The following IL1R2 variants were observed in gnomAD, a reference collection of about 807,000 sequenced individuals.
The protein encoded by IL1R2 is interleukin 1 receptor type 2, also known as interleukin-1 receptor type 2.
Under a neutral mutation model 39.5 loss-of-function variants are expected in IL1R2, and 46 were observed. That is an observed-to-expected ratio of 1.16 (90% CI 0.92 to 1.49). IL1R2 has a LOEUF of 1.49. Among genes scored for constraint, IL1R2 ranks in the 40% most tolerant of loss-of-function variants. The pLI is 0.00. For missense variants in IL1R2, 537 were observed against 502.0 expected (o/e 1.07, Z -0.67); for synonymous variants, 207 against 189.6 (o/e 1.09, Z -0.75).
At position 102,009,679 on chromosome 2, in the gene IL1R2, G is replaced by C; in HGVS notation, c.185G>C (p.Ser62Thr). The C allele has an allele frequency of 6.2e-7, 1 of 1,614,174 alleles. No individual in the cohort carries two copies. Among genetic ancestry groups the C allele is most frequent in the Non-Finnish European group, 8.5e-7 (1 of 1,180,026 alleles). ...CCCTACTGGTTGTGGGCCTCTGTCA[G>C]CCCCCGCATCAACCTGACATGGCAT... Reference protein sequence around the residue: ...QVPYWLWASVSPRINLTWHKN... With the variant: ...QVPYWLWASVTPRINLTWHKN... Residue 62 changes from serine (S) to threonine (T), a missense_variant, in exon 3 of 9, where the codon AGC becomes ACC. Transcript: ENST00000332549.
At chr2:102,020,443 G>A (rs1294070415) in intron 5 of IL1R2, among the ~76,000 whole-genome samples, 1 of 152,248 alleles carries the variant, frequency 6.6e-6, no homozygotes, top group Non-Finnish European at 1.5e-5. Context: ...GTGTAACCAT[G>A]TGTAAATCCT....
chr2:102,019,863 T>G, intron 5 of IL1R2, 51 bp downstream of exon 5: 1 of 1,487,362 alleles, frequency 6.7e-7, no homozygotes, highest in Non-Finnish European at 9.2e-7. Flanking sequence ...ATAACAAGCA[T>G]GCAGAGAACA....
chr2:102,020,836 C>T (rs1677336518), intron 5 of IL1R2, among the ~76,000 whole-genome samples: 1 of 152,168 alleles, frequency 6.6e-6, no homozygotes, highest in African/African-American at 2.4e-5. Flanking sequence ...TGTGATCCTC[C>T]CAGGATCTCA....
At chr2:102,017,234 C>T (rs1677061284) in intron 4 of IL1R2, among the ~76,000 whole-genome samples, 1 of 151,690 alleles carries the variant, frequency 6.6e-6, no homozygotes, top group Non-Finnish European at 1.5e-5. Flanking sequence ...CCCATCTCTA[C>T]TAAAAATAAA....
In IL1R2 at chr2:102,022,368, T is replaced by C. The variant is rs1470167594; in HGVS notation, c.751+119T>C. The C allele has an allele frequency of 7.4e-6, 6 of 812,566 alleles. No homozygotes were observed. The African/African-American group carries it at 8.6e-5, about 12-fold the overall frequency. The allele number at this position is 812,566 out of a possible 1,614,324, so 50.3% of individuals were successfully genotyped here. Reference sequence around the variant, plus strand: ...ACCTGCTCCTTGGGTGCAATGTGCCTGGGTGGAGACCTTAGAACTCCAGTG... The same window carrying C: ...ACCTGCTCCTTGGGTGCAATGTGCCCGGGTGGAGACCTTAGAACTCCAGTG... On this transcript the variant is annotated intron_variant, in intron 6 of 8. Coordinates refer to ENST00000332549, the MANE Select transcript of IL1R2 (RefSeq NM_004633.4).
At chr2:102,027,670 G>A (rs1327758509) in intron 8 of IL1R2, among the ~76,000 whole-genome samples, 1 of 152,174 alleles carries the variant, frequency 6.6e-6, no homozygotes, top group Non-Finnish European at 1.5e-5. Flanking sequence ...CAATGTGTCT[G>A]ATAACACTCT....
At position 102,008,591 on chromosome 2, in the gene IL1R2, G is replaced by C. The variant is rs148522700; in HGVS notation, c.16G>C (p.Val6Leu). 1 of 1,614,106 alleles carries C rather than the reference G, an allele frequency of 6.2e-7. No homozygotes were observed. Among genetic ancestry groups the C allele is most frequent in the East Asian group, 2.2e-5 (1 of 44,880 alleles). ...GTCAGGAGCAATGTTGCGCTTGTAC[G>C]TGTTGGTAATGGGAGTTTCTGCCTT... is the stretch of plus-strand genomic sequence containing the variant. MLRLY[V>L]LVMGVSAFTL... is the part of the protein sequence containing the mutation. The change falls in exon 2 of 9, where the codon GTG becomes CTG. Residue 6 changes from valine to leucine, a missense_variant. By Grantham distance (32) the Val-to-Leu change is conservative (BLOSUM62 1). Coordinates refer to ENST00000332549, the MANE Select transcript of IL1R2 (RefSeq NM_004633.4).
Position 102,009,630 on chromosome 2 carries a change from G to A in IL1R2, c.136G>A (p.Val46Ile). Reference protein sequence around the residue: ...KREFRLEGEPVALRCPQVPYW... With the variant: ...KREFRLEGEPIALRCPQVPYW... ...GGAGTTCAGGCTGGAAGGGGAGCCT[G>A]TAGCCCTGAGGTGCCCCCAGGTGCC... Residue 46 changes from valine (V) to isoleucine (I), a missense_variant, in exon 3 of 9, where the codon GTA (valine) becomes ATA (isoleucine). Physicochemically the swap from Val to Ile is conservative, Grantham distance 29. Coordinates refer to ENST00000332549, the MANE Select transcript of IL1R2 (RefSeq NM_004633.4). 1.2e-6 allele frequency: 2 copies of A among 1,614,220 alleles called. No individual in the cohort carries two copies. Among genetic ancestry groups the A allele is most frequent in the South Asian group, 1.1e-5 (1 of 91,088 alleles).
intron 3 of IL1R2, among the ~76,000 whole-genome samples, chr2:102,013,524 C>CAAAAAAAAAAAAAAA (rs771727938): frequency 1.8e-4 from 1 of 5,690 alleles, no homozygotes; most frequent in Non-Finnish European, 3.0e-4. Context: ...TCTATCACTG[C>CAAAAAAAAAAAAAAA]AAAAAAAAAA....
chr2:102,002,457 AT>A (rs1675925724), intron 1 of IL1R2, among the ~76,000 whole-genome samples: 3 of 52,982 alleles, frequency 5.7e-5, no homozygotes, highest in Admixed American at 1.8e-4. Flanking sequence ...GTCTGTGTCT[AT>A]GTCTCTGTCT....
At chr2:102,024,872 T>G in intron 7 of IL1R2, 1 of 583,656 alleles carries the variant, frequency 1.7e-6, no homozygotes. Context: ...AAAGTTGAGT[T>G]GCAGTTGACA....
rs749635946 is a variant in IL1R2 at position 102,019,769 on chromosome 2, C to T, written c.645C>T (p.Gly215=). ...GTGTCCTGACATTTGCCCATGAAGG[C>T]CAGCAATACAACATCACTAGGAGTA... The part of the protein sequence containing the change: ...YRCVLTFAHE[G]QQYNITRSIE... The change falls in exon 5 of 9, where the codon GGC becomes GGT. Residue 215 remains glycine (G), a synonymous_variant. Coordinates refer to ENST00000332549, the MANE Select transcript of IL1R2 (RefSeq NM_004633.4). 4.3e-6 allele frequency: 7 copies of T among 1,613,980 alleles called. No individual in the cohort carries two copies. The South Asian group carries it at 6.6e-5, about 15-fold the overall frequency.
intron 8 of IL1R2, 145 bp downstream of exon 8, chr2:102,026,398 CCAT>C: frequency 1.5e-6 from 1 of 668,280 alleles, no homozygotes; most frequent in Non-Finnish European, 2.4e-6. Flanking sequence ...AAGAAACCTC[CCAT>C]TTTTAAAGAG....
chr2:102,012,587 C>A (rs1049724568), intron 3 of IL1R2, among the ~76,000 whole-genome samples: 2 of 151,726 alleles, frequency 1.3e-5, no homozygotes, highest in Non-Finnish European at 1.5e-5. Flanking sequence ...AATTAAGAAT[C>A]TTTTCAAATT....
At position 102,028,464 on chromosome 2, in the gene IL1R2, G is replaced by A; in HGVS notation, c.*72G>A. 3 of 1,341,344 alleles carry A rather than the reference G, an allele frequency of 2.2e-6. No individual in the cohort carries two copies. The highest frequency in any genetic ancestry group is 1.9e-4 in the Middle Eastern group (1 of 5,232). The allele number at this position is 1,341,344 out of a possible 1,614,324, so 83.1% of individuals were successfully genotyped here. ...CTTATGGAAGTGGCTGTGTCTTTTT[G>A]AGGGACTCTGTTCTTTGCCTCAGTT... On this transcript the variant is annotated 3_prime_UTR_variant, in exon 9 of 9. Transcript: ENST00000332549.
At chr2:102,014,880 C>A (rs1169306587) in intron 3 of IL1R2, among the ~76,000 whole-genome samples, 1 of 151,070 alleles carries the variant, frequency 6.6e-6, no homozygotes, top group Admixed American at 6.6e-5. Flanking sequence ...CAAGGTTTTC[C>A]TCTTCCCTTT....
rs1306075761 is a variant in IL1R2, at chr2:102,016,050, A to T, written c.512A>T (p.Lys171Met). Reference protein sequence around the residue: ...DKTDVKIQWYKDSLLLDKDNE... With the variant: ...DKTDVKIQWYMDSLLLDKDNE... ...ACTGACGTGAAGATTCAATGGTACA[A>T]GGTACGGCTTTAAAAAATGCCATTT... Residue 171 changes from lysine to methionine, a missense_variant and splice_region_variant, in exon 4 of 9, where the codon AAG becomes ATG. Lys to Met is a moderately conservative substitution (Grantham distance 95, BLOSUM62 -1). Coordinates refer to ENST00000332549, the MANE Select transcript of IL1R2 (RefSeq NM_004633.4). 3.8e-6 allele frequency: 6 copies of T among 1,599,000 alleles called. No individual in the cohort carries two copies. The East Asian group carries it at 1.3e-4, about 36-fold the overall frequency.
At chr2:102,014,972 A>AATAATAATC (rs1553615338) in intron 3 of IL1R2, among the ~76,000 whole-genome samples, 1 of 135,398 alleles carries the variant, frequency 7.4e-6, no homozygotes, top group African/African-American at 3.4e-5. Flanking sequence ...TAATAATAAT[A>AATAATAATC]ATAATCATAT....
intron 4 of IL1R2, among the ~76,000 whole-genome samples, chr2:102,017,490 T>C (rs928194293): frequency 6.6e-6 from 1 of 152,144 alleles, no homozygotes; most frequent in African/African-American, 2.4e-5. Flanking sequence ...TGAATAGATG[T>C]TATTTGATGT....
Sources: allele counts gnomAD v4.1 joint callset (sites outside exome capture counted in the v4.1 genomes callset), GRCh38; gene constraint gnomAD v4.1.1; transcripts MANE v1.5; gene names NCBI Gene and HGNC (gene_info 2026-07-23, HGNC 2026-07-21).